The following PRRC2B variants were observed in gnomAD, a reference collection of about 807,000 sequenced individuals.
PRRC2B encodes proline rich coiled-coil 2B, also known as protein PRRC2B.
A neutral mutation model predicts 242.3 loss-of-function variants in PRRC2B; 68 were observed. The observed-to-expected ratio is 0.28, with a 90% CI of 0.23 to 0.34. PRRC2B has a LOEUF of 0.34. Among genes scored for constraint, PRRC2B ranks in the 10% least tolerant of loss-of-function variants. PRRC2B has a pLI of 1.00. For missense variants in PRRC2B, 2,835 were observed against 2,954.8 expected, an observed-to-expected ratio of 0.96 and a Z score of 0.94; for synonymous variants, 1,228 against 1,173.6, an observed-to-expected ratio of 1.05 and a Z score of -0.95.
chr9:131,465,099 C>A, intron 12 of PRRC2B, 21 bp downstream of exon 12: 2 of 1,583,826 alleles, frequency 1.3e-6, no homozygotes, highest in South Asian at 1.1e-5. Context: ...GGCCGTCTTC[C>A]CACCAACTGG....
At chr9:131,478,022 G>C (rs1025965308) in intron 17 of PRRC2B, 73 bp downstream of exon 17, 3 of 1,407,472 alleles carry the variant, frequency 2.1e-6, no homozygotes. Flanking sequence ...CGGGCCTCCC[G>C]AGTTTGCCCT....
intron 1 of PRRC2B, among the ~76,000 whole-genome samples, chr9:131,394,929 G>A (rs936812294): frequency 1.3e-5 from 2 of 149,828 alleles, no homozygotes; most frequent in South Asian, 4.2e-4. Flanking sequence ...ATAATAAACA[G>A]GATGTCGCCA....
At chr9:131,418,073 G>GC (rs1191061701) in intron 1 of PRRC2B, among the ~76,000 whole-genome samples, 1 of 152,226 alleles carries the variant, frequency 6.6e-6, no homozygotes, top group Non-Finnish European at 1.5e-5. Flanking sequence ...GGAGTCCAAA[G>GC]CCCCGGAGGC....
intron 11 of PRRC2B, among the ~76,000 whole-genome samples, chr9:131,462,101 A>G (rs541791485): frequency 7.2e-5 from 11 of 152,308 alleles, no homozygotes; most frequent in African/African-American, 2.4e-4. Context: ...TCAGTATTCA[A>G]AAGGTTTCAC....
intron 16 of PRRC2B, among the ~76,000 whole-genome samples, chr9:131,477,174 G>A (rs1194579868): frequency 6.6e-6 from 1 of 152,200 alleles, no homozygotes; most frequent in Non-Finnish European, 1.5e-5. Context: ...ACTGCACTTG[G>A]CTTGTGCCTC....
chr9:131,447,299 TC>T, intron 8 of PRRC2B, 93 bp downstream of exon 8: 1 of 1,490,910 alleles, frequency 6.7e-7, no homozygotes, highest in Non-Finnish European at 9.1e-7. Flanking sequence ...GTGCTGTGTC[TC>T]CTGGAGACCA....
At chr9:131,378,448 G>T in intron 1 of PRRC2B, among the ~76,000 whole-genome samples, 1 of 152,098 alleles carries the variant, frequency 6.6e-6, no homozygotes, top group Non-Finnish European at 1.5e-5. Flanking sequence ...CCCAGGTGTG[G>T]AATCTAAAAT....
At chr9:131,495,651 C>G in intron 31 of PRRC2B, 89 bp from the exon 32 acceptor site, 1 of 1,443,862 alleles carries the variant, frequency 6.9e-7, no homozygotes, top group South Asian at 1.3e-5. Flanking sequence ...CCCTGCAACT[C>G]AGGAGCAGGA....
intron 1 of PRRC2B, among the ~76,000 whole-genome samples, chr9:131,404,460 G>A (rs960802519): frequency 2.0e-5 from 3 of 151,776 alleles, no homozygotes; most frequent in East Asian, 1.9e-4. Context: ...GACCTCAGGC[G>A]AGCCACCCGC....
chr9:131,448,544 A>AAAAAAAAAAAAAAAAAAAAC, intron 9 of PRRC2B, among the ~76,000 whole-genome samples: 1 of 84,614 alleles, frequency 1.2e-5, no homozygotes, highest in Non-Finnish European at 2.2e-5. Flanking sequence ...ACACTGTCTC[A>AAAAAAAAAAAAAAAAAAAAC]AAAAAAAAAA....
At chr9:131,405,757 G>A (rs778737868) in intron 1 of PRRC2B, among the ~76,000 whole-genome samples, 13 of 152,104 alleles carry the variant, frequency 8.5e-5, no homozygotes, top group South Asian at 2.1e-4. Context: ...GAGAGAGCTC[G>A]CTGGGAGAGT....
Position 131,487,270 on chromosome 9 carries a change from T to C in PRRC2B, c.5960T>C (p.Ile1987Thr). The C allele has an allele frequency of 1.9e-6, 3 of 1,611,718 alleles. No individual in the cohort carries two copies. Among genetic ancestry groups the C allele is most frequent in the Non-Finnish European group, 2.5e-6 (3 of 1,178,688 alleles). The part of the protein sequence containing the change: ...GGLPVSQSQE[I>T]FSSLQPFRSQ... Reference sequence around the variant, plus strand: ...CTTCCTGTGTCCCAGTCCCAGGAGATCTTCAGCTCCTTGCAGCCCTTCAGG... The same window carrying C: ...CTTCCTGTGTCCCAGTCCCAGGAGACCTTCAGCTCCTTGCAGCCCTTCAGG... Residue 1987 changes from isoleucine to threonine, a missense_variant, in exon 27 of 32, where the codon ATC (isoleucine) becomes ACC (threonine). By Grantham distance (89) the Ile-to-Thr change is moderately conservative. This residue lies in a region of PRRC2B where 574 missense variants were observed against 626.0 expected (regional missense o/e 0.92). Coordinates refer to ENST00000683519, the MANE Select transcript of PRRC2B (RefSeq NM_013318.4). The surrounding 1 kb of genome is among the most constrained non-coding windows in gnomAD (Gnocchi z 5.3).
intron 12 of PRRC2B, among the ~76,000 whole-genome samples, chr9:131,466,289 C>T (rs1943393799): frequency 6.6e-6 from 1 of 152,162 alleles, no homozygotes; most frequent in South Asian, 2.1e-4. Context: ...CTGTGCCACT[C>T]TTATAGGAAA....
chr9:131,420,499 T>TCTTTCTTTCCTTCTTTCTTTCTTTC (rs889470295), intron 1 of PRRC2B, among the ~76,000 whole-genome samples: 1 of 84,494 alleles, frequency 1.2e-5, no homozygotes, highest in African/African-American at 4.4e-5. Context: ...CTTTCTTTTT[T>TCTTTCTTTCCTTCTTTCTTTCTTTC]TTTTTTTTTT....
chr9:131,440,225 A>T (rs1026136056), intron 5 of PRRC2B, among the ~76,000 whole-genome samples: 6 of 152,138 alleles, frequency 3.9e-5, no homozygotes, highest in Admixed American at 1.3e-4. Flanking sequence ...GTCTTTGAAG[A>T]TGCTTTATGA....
chr9:131,448,698 C>G (rs915206659), intron 9 of PRRC2B, among the ~76,000 whole-genome samples: 1 of 151,702 alleles, frequency 6.6e-6, no homozygotes, highest in Non-Finnish European at 1.5e-5. Context: ...TGGAACTACA[C>G]GCGGGTGCCA....
rs548348104 is a variant in PRRC2B, at chr9:131,471,531, G to A, written c.2107+548G>A. 5.3e-5 allele frequency among the ~76,000 whole-genome samples: 8 copies of A among 152,320 alleles called. No individual in the cohort carries two copies. The East Asian group carries it at 1.5e-3, about 29-fold the overall frequency. On this transcript the variant is annotated intron_variant, in intron 14 of 31. Transcript: ENST00000683519. ...AATATGGTCTGTGTGATACAGACCA[G>A]GGGTCAGCAAACTTCTACTAATGAC...
chr9:131,487,100 T>A lies in PRRC2B; in HGVS notation c.5857-67T>A. On this transcript the variant is annotated intron_variant, in intron 26 of 31. Coordinates refer to ENST00000683519, the MANE Select transcript of PRRC2B (RefSeq NM_013318.4). This position sits in a 1 kb window ranked among gnomAD's most constrained non-coding sequence, Gnocchi z 5.3. ...GCCATGTGGAGAGGGGCAGGGGAGG[T>A]GGGAGGGGAAGAACCACCTGGATGG... 1 of 1,486,760 alleles carries A rather than the reference T, an allele frequency of 6.7e-7. No individual in the cohort carries two copies. 92.1% of individuals were successfully genotyped at this position (1,486,760 alleles called of 1,614,324 possible).
chr9:131,379,009 G>A (rs1318634042), intron 1 of PRRC2B, among the ~76,000 whole-genome samples: 1 of 152,126 alleles, frequency 6.6e-6, no homozygotes, highest in Non-Finnish European at 1.5e-5. Context: ...GTAAGGCACC[G>A]TGCCTGACCT....
Sources: gnomAD v4.1 joint callset for allele counts (sites outside exome capture counted in the v4.1 genomes callset) on GRCh38, gnomAD v4.1.1 for gene constraint, gnomAD v4.1.1 regional missense constraint, Gnocchi (gnomAD v3.1) non-coding constraint, MANE v1.5 for transcripts, NCBI Gene and HGNC (gene_info 2026-07-23, HGNC 2026-07-21) for gene names.